The following SYNE1 variants were observed in gnomAD, a reference collection of about 807,000 sequenced individuals.
The protein encoded by SYNE1 is spectrin repeat containing nuclear envelope protein 1, also known as nesprin-1.
SYNE1 carries 616 observed loss-of-function variants against 1,111.0 expected under a neutral mutation model. The observed-to-expected ratio is 0.55, with a 90% CI of 0.52 to 0.59. The LOEUF (loss-of-function observed/expected upper bound fraction) is 0.59. Among genes scored for constraint, SYNE1 ranks in the 20% least tolerant of loss-of-function variants. The pLI, the probability that SYNE1 is intolerant of heterozygous loss-of-function variation, is 0.00. For synonymous variants in SYNE1, 3,855 were observed against 3,825.8 expected (o/e 1.01, Z -0.28); for missense variants, 10,006 against 10,417.0 (o/e 0.96, Z 1.72).
intron 140 of SYNE1, among the ~76,000 whole-genome samples, chr6:152,139,743 AAGAAAG>A (rs201524305): frequency 1.3e-5 from 2 of 150,538 alleles, no homozygotes; most frequent in East Asian, 2.1e-4. Context: ...GAAAGAAAGA[AAGAAAG>A]AAAAGAAAAA....
intron 53 of SYNE1, among the ~76,000 whole-genome samples, chr6:152,390,030 T>C (rs1414200549): frequency 6.6e-6 from 1 of 152,174 alleles, no homozygotes; most frequent in African/African-American, 2.4e-5. Context: ...CCATGTCACA[T>C]AAGATTCCAG....
intron 101 of SYNE1, among the ~76,000 whole-genome samples, chr6:152,258,695 AC>A: frequency 6.6e-6 from 1 of 151,602 alleles, no homozygotes. Flanking sequence ...TAGCATTCAA[AC>A]TTTTGACCAT....
chr6:152,628,044 C>CAAAAAAAAA lies in SYNE1; in HGVS notation c.67+212_67+220dup, dbSNP rs66815986. On this transcript the variant is annotated intron_variant, in intron 3 of 145. Transcript: ENST00000367255. ...ACATGCTAATGCAGACACAAAATTA[C>CAAAAAAAAA]AAAAAAAAAAAAAAAAGCTGTATTT... Among the ~76,000 whole-genome samples, 97 of 103,330 alleles carry CAAAAAAAAA rather than the reference C, an allele frequency of 9.4e-4. 4 individuals carry two copies. Among genetic ancestry groups the CAAAAAAAAA allele is most frequent in the African/African-American group, 3.0e-3 (80 of 26,370 alleles). 67.8% of individuals were successfully genotyped at this position (103,330 alleles called of 152,430 possible). A position where few individuals can be genotyped will look rare whatever the true frequency, so the allele number is the denominator to read the frequency against.
At chr6:152,439,502 T>C (rs2098508028) in intron 32 of SYNE1, among the ~76,000 whole-genome samples, 1 of 152,206 alleles carries the variant, frequency 6.6e-6, no homozygotes, top group South Asian at 2.1e-4. Flanking sequence ...GTTTTAGGAT[T>C]ACAGGCATGA....
chr6:152,302,137 C>T, intron 91 of SYNE1, 74 bp from the exon 92 acceptor site: 1 of 1,589,850 alleles, frequency 6.3e-7, no homozygotes, highest in East Asian at 2.3e-5. Flanking sequence ...GTTCATCTTC[C>T]TGCAGGGCGA....
At chr6:152,373,599 G>A (rs892436351) in intron 58 of SYNE1, among the ~76,000 whole-genome samples, 3 of 152,138 alleles carry the variant, frequency 2.0e-5, no homozygotes, top group African/African-American at 4.8e-5. Context: ...TCTTAATAAA[G>A]TCAAAGAAAA....
chr6:152,363,288 A>G (rs1460625222), intron 63 of SYNE1, among the ~76,000 whole-genome samples: 1 of 148,246 alleles, frequency 6.7e-6, no homozygotes, highest in East Asian at 2.1e-4. Flanking sequence ...AGGTCAGGAG[A>G]TCAAGGCCAT....
rs779600835 is a variant in SYNE1 at position 152,416,771 on chromosome 6, T to G, written c.5666A>C (p.Gln1889Pro). The G allele has an allele frequency of 2.0e-5, 32 of 1,614,254 alleles. No individual in the cohort carries two copies. The East Asian group carries it at 7.1e-4, about 36-fold the overall frequency. ...CATACTGTTGGTTGCTTCCACTGTT[T>G]GCCTCAGCTGGCGGAGAATGCCGGA... is the stretch of plus-strand genomic sequence containing the variant. ...SLSGILRQLR[Q>P]TVEATNSMNK... Residue 1889 changes from glutamine (Q) to proline (P), a missense_variant, in exon 41 of 146, where the codon CAA (glutamine) becomes CCA (proline). This residue lies in a region of SYNE1 where 4,955 missense variants were observed against 5,017.2 expected (regional missense o/e 0.99). Transcript: ENST00000367255.
Position 152,331,891 on chromosome 6 carries a change from C to T in SYNE1, c.12795-1G>A. ...GACAGCTGTACTCTCTGCATCAGAT[C>T]TGAAAATACATGGAAAGGTATAAGA... On this transcript the variant is annotated splice_acceptor_variant, in intron 77 of 145. Transcript: ENST00000367255. LOFTEE classifies it high-confidence loss of function. 6.2e-7 allele frequency: 1 copy of T among 1,611,020 alleles called. No individual in the cohort carries two copies.
chr6:152,327,638 G>A (rs1341243876), intron 78 of SYNE1, among the ~76,000 whole-genome samples: 1 of 152,168 alleles, frequency 6.6e-6, no homozygotes, highest in Non-Finnish European at 1.5e-5. Flanking sequence ...AATCAGCGGA[G>A]GGAATAAGAA....
At chr6:152,601,698 G>C (rs1381343561) in intron 3 of SYNE1, among the ~76,000 whole-genome samples, 1 of 152,154 alleles carries the variant, frequency 6.6e-6, no homozygotes. Flanking sequence ...ACTAGACTTA[G>C]CAATAGTTCT....
chr6:152,276,008 A>G (rs2093598433), intron 98 of SYNE1, among the ~76,000 whole-genome samples: 1 of 150,286 alleles, frequency 6.7e-6, no homozygotes, highest in Admixed American at 6.6e-5. Flanking sequence ...TTGTCTATGT[A>G]AAAACTATAA....
chr6:152,416,319 C>T, intron 41 of SYNE1, 68 bp downstream of exon 41: 2 of 1,600,766 alleles, frequency 1.2e-6, no homozygotes, highest in Non-Finnish European at 1.7e-6. Context: ...TAAAGTTTTG[C>T]ATAAAAGTTA....
chr6:152,197,904 C>G (rs2074503918), intron 127 of SYNE1, among the ~76,000 whole-genome samples: 2 of 152,064 alleles, frequency 1.3e-5, no homozygotes, highest in Non-Finnish European at 2.9e-5. Context: ...CAGGCATTGA[C>G]TTCTTTTAAG....
At position 152,135,210 on chromosome 6, in the gene SYNE1, C is replaced by T. The variant is rs989761595; in HGVS notation, c.25682G>A (p.Gly8561Asp). 2 of 1,614,072 alleles carry T rather than the reference C, an allele frequency of 1.2e-6. No individual in the cohort carries two copies. Among genetic ancestry groups the T allele is most frequent in the Non-Finnish European group, 1.7e-6 (2 of 1,179,982 alleles). ...AATGTTCTCCAGCATAAGAAGCAAACCATGGCTCATTTCATGGAAACCCTA... is the reference window on the plus strand; with the variant it reads ...AATGTTCTCCAGCATAAGAAGCAAATCATGGCTCATTTCATGGAAACCCTA... ...QCQGFHEMSH[G>D]LLLMLENIDR... is the part of the protein sequence containing the mutation. Residue 8561 changes from glycine to aspartate, a missense_variant, in exon 142 of 146, where the codon GGT becomes GAT. Physicochemically the swap from Gly to Asp is moderately conservative, Grantham distance 94. This residue lies in a region of SYNE1 where 761 missense variants were observed against 795.5 expected (regional missense o/e 0.96). Coordinates refer to ENST00000367255, the MANE Select transcript of SYNE1 (RefSeq NM_182961.4).
At chr6:152,135,781 G>A (rs1188192188) in intron 141 of SYNE1, among the ~76,000 whole-genome samples, 1 of 152,190 alleles carries the variant, frequency 6.6e-6, no homozygotes, top group Non-Finnish European at 1.5e-5. Flanking sequence ...TAAACCTGGA[G>A]AGCAGGCTTC....
At chr6:152,278,781 T>TG in intron 97 of SYNE1, among the ~76,000 whole-genome samples, 1 of 152,170 alleles carries the variant, frequency 6.6e-6, no homozygotes, top group Middle Eastern at 3.4e-3. Context: ...TTTTTGTTTT[T>TG]TTTTGAGGGA....
intron 12 of SYNE1, among the ~76,000 whole-genome samples, chr6:152,486,093 G>A (rs1021615481): frequency 1.3e-5 from 2 of 152,078 alleles, no homozygotes; most frequent in Non-Finnish European, 2.9e-5. Context: ...TACTCAGGAG[G>A]CTGAGGCAGG....
chr6:152,505,082 C>T, intron 9 of SYNE1, 119 bp downstream of exon 9: 1 of 1,127,852 alleles, frequency 8.9e-7, no homozygotes, highest in Non-Finnish European at 1.3e-6. Context: ...CATTACTTGC[C>T]ACTTTTCTCC....
Sources: gnomAD v4.1 joint callset for allele counts (sites outside exome capture counted in the v4.1 genomes callset) on GRCh38, gnomAD v4.1.1 for gene constraint, gnomAD v4.1.1 regional missense constraint, MANE v1.5 for transcripts, NCBI Gene and HGNC (gene_info 2026-07-23, HGNC 2026-07-21) for gene names.